The following CUX1 variants were observed in gnomAD, a reference collection of about 807,000 sequenced individuals.
The protein encoded by CUX1 is protein CASP.
In CUX1, 31 loss-of-function variants were observed where a neutral mutation model predicts 158.8. That is an observed-to-expected ratio of 0.20 (90% CI 0.15 to 0.26). The LOEUF (loss-of-function observed/expected upper bound fraction) is 0.26, where lower values mean the gene tolerates loss of function less well. CUX1 is among the 10% of genes least tolerant of loss of function. CUX1 has a pLI of 1.00. For missense variants in CUX1, 1,589 were observed against 2,014.6 expected, an observed-to-expected ratio of 0.79 and a Z score of 4.04; for synonymous variants, 879 against 862.1, an observed-to-expected ratio of 1.02 and a Z score of -0.34.
intron 2 of CUX1, among the ~76,000 whole-genome samples, chr7:102,009,228 C>T (rs1168871460): frequency 1.3e-5 from 2 of 152,296 alleles, no homozygotes; most frequent in Middle Eastern, 3.4e-3. Flanking sequence ...AGGGATGATT[C>T]CATACCTGAA....
chr7:102,151,257 T>C (rs185980289), intron 8 of CUX1, among the ~76,000 whole-genome samples: 1 of 152,002 alleles, frequency 6.6e-6, no homozygotes, highest in Non-Finnish European at 1.5e-5. Context: ...AGTGGATGAT[T>C]AAGACTGGGG....
At chr7:101,975,434 G>A (rs375702341) in intron 2 of CUX1, among the ~76,000 whole-genome samples, 8 of 151,870 alleles carry the variant, frequency 5.3e-5, no homozygotes, top group Admixed American at 3.3e-4. Flanking sequence ...GCATGTGCTT[G>A]TAGTCCCAGC....
At chr7:102,244,186 G>A (rs1554536050) in intron 23 of CUX1, among the ~76,000 whole-genome samples, 3 of 152,100 alleles carry the variant, frequency 2.0e-5, no homozygotes, top group Admixed American at 6.6e-5. Flanking sequence ...AGAGCTTCCC[G>A]ACACTGGATG....
intron 17 of CUX1, chr7:102,275,435 A>G (rs1791539352): frequency 5.7e-6 from 7 of 1,221,732 alleles, no homozygotes; most frequent in Non-Finnish European, 7.1e-6. Flanking sequence ...CTTTCAGGAG[A>G]GAGATGTGGC....
At chr7:102,178,796 C>T in intron 11 of CUX1, 139 bp downstream of exon 11, 1 of 893,608 alleles carries the variant, frequency 1.1e-6, no homozygotes, top group East Asian at 2.7e-5. Flanking sequence ...TAGCACCAAG[C>T]AGAGTCCCGG....
intron 1 of CUX1, among the ~76,000 whole-genome samples, chr7:101,831,385 G>A (rs1793990522): frequency 6.6e-6 from 1 of 151,974 alleles, no homozygotes; most frequent in African/African-American, 2.4e-5. Context: ...CTGCTTCCTG[G>A]GTTCAAGTGA....
exon 15 of CUX1, chr7:102,273,462 T>A (rs782770399): frequency 1.2e-6 from 2 of 1,613,228 alleles, no homozygotes; most frequent in South Asian, 1.1e-5. Context: ...GACCTGAGCA[T>A]CATTCAGTCC....
intron 1 of CUX1, among the ~76,000 whole-genome samples, chr7:101,857,154 T>TAGCG (rs1267537564): frequency 1.3e-5 from 2 of 152,208 alleles, no homozygotes; most frequent in African/African-American, 4.8e-5. Flanking sequence ...CGCCCGGTGT[T>TAGCG]AGCGTCACGT....
chr7:102,248,894 A>T lies in CUX1; in HGVS notation c.4370A>T (p.Gln1457Leu), dbSNP rs546299905. ...SSAPRRPSSL[Q>L]SLFGLPEAAG... ...GCCCCCCGCAGGCCCAGCTCGCTGC[A>T]GAGCCTTTTCGGCCTCCCCGAGGCC... Residue 1457 changes from glutamine to leucine, a missense_variant, in exon 24 of 24, where the codon CAG (glutamine) becomes CTG (leucine). Gln to Leu is a moderately radical substitution (Grantham distance 113). Coordinates refer to ENST00000292535, the MANE Select transcript of CUX1 (RefSeq NM_181552.4). This position sits in a 1 kb window ranked among gnomAD's most constrained non-coding sequence, Gnocchi z 5.8. 1.9e-4 allele frequency: 266 copies of T among 1,420,080 alleles called. No individual in the cohort carries two copies. The highest frequency in any genetic ancestry group is 9.3e-5 in the East Asian group (3 of 32,174). 88.0% of individuals were successfully genotyped at this position (1,420,080 alleles called of 1,614,324 possible).
rs1792667973 is a variant in CUX1 at position 102,178,648 on chromosome 7, C to T, written c.1008C>T (p.Ser336=). The change falls in exon 11 of 24, where the codon AGC becomes AGT. Residue 336 remains serine, a synonymous_variant. Transcript: ENST00000292535. ...AGCAGCAGCTGAGCGCCAAAAACAG[C>T]ACACTCAAAGTAAGGGGGCTGCGGG... The part of the protein sequence containing the change: ...QLEQQLSAKN[S]TLKQLEEKLK... 5.0e-6 allele frequency: 8 copies of T among 1,608,724 alleles called. No individual in the cohort carries two copies. The highest frequency in any genetic ancestry group is 6.8e-6 in the Non-Finnish European group (8 of 1,177,418).
At chr7:101,832,262 AGG>A (rs1199482619) in intron 1 of CUX1, among the ~76,000 whole-genome samples, 1 of 152,042 alleles carries the variant, frequency 6.6e-6, no homozygotes, top group East Asian at 1.9e-4. Context: ...GGGACCACTG[AGG>A]GGTGATGGGA....
chr7:102,262,416 A>ATGGATGGATGGATGGATGGG (rs1790471134), downstream of CUX1, among the ~76,000 whole-genome samples: 1 of 151,758 alleles, frequency 6.6e-6, no homozygotes, highest in South Asian at 2.1e-4. Flanking sequence ...GGATGGATGG[A>ATGGATGGATGGATGGATGGG]TGGATGGATG....
At chr7:102,178,366 A>C (rs147490497) in intron 10 of CUX1, 103 bp from the exon 11 acceptor site, 1 of 1,138,232 alleles carries the variant, frequency 8.8e-7, no homozygotes, top group African/African-American at 1.6e-5. Context: ...CACCATCCAC[A>C]CACTGACATC....
chr7:102,102,037 C>T (rs949804437), intron 5 of CUX1, among the ~76,000 whole-genome samples: 2 of 152,180 alleles, frequency 1.3e-5, no homozygotes, highest in African/African-American at 2.4e-5. Context: ...AAGTGTCCAG[C>T]TCTTGCCTCA....
chr7:102,178,746 G>A (rs1554512961), intron 11 of CUX1, 89 bp downstream of exon 11: 2 of 1,387,440 alleles, frequency 1.4e-6, no homozygotes, highest in Non-Finnish European at 2.0e-6. Context: ...TGCCTTTCTG[G>A]ACTTGATAGC....
At chr7:102,097,550 CTT>C (rs782212883) in intron 5 of CUX1, 49 bp downstream of exon 5, 9 of 1,535,850 alleles carry the variant, frequency 5.9e-6, no homozygotes, top group Non-Finnish European at 7.9e-6. Flanking sequence ...TTTTTTTTCT[CTT>C]CTTTTTATTT....
chr7:101,936,632 G>A (rs561347236), intron 2 of CUX1, among the ~76,000 whole-genome samples: 3 of 152,314 alleles, frequency 2.0e-5, no homozygotes, highest in South Asian at 4.1e-4. Context: ...GCTGCCGTGG[G>A]TGGTCTGGAT....
chr7:101,860,982 T>G (rs1159630597), intron 1 of CUX1, among the ~76,000 whole-genome samples: 1 of 152,122 alleles, frequency 6.6e-6, no homozygotes, highest in Non-Finnish European at 1.5e-5. Flanking sequence ...ATTTTTAAAT[T>G]TTTTGTAGAG....
chr7:101,913,083 C>T (rs11974778), intron 1 of CUX1: 50,098 of 172,312 alleles, frequency 0.29, 8,095 homozygotes, highest in African/African-American at 0.42. Context: ...TCCCACAGCC[C>T]GAGAACGCCT....
Sources: gnomAD v4.1 joint callset for allele counts (sites outside exome capture counted in the v4.1 genomes callset) on GRCh38, gnomAD v4.1.1 for gene constraint, Gnocchi (gnomAD v3.1) non-coding constraint, MANE v1.5 for transcripts, NCBI Gene and HGNC (gene_info 2026-07-23, HGNC 2026-07-21) for gene names.